The following DLC1 variants were observed in gnomAD, a reference collection of about 807,000 sequenced individuals.
DLC1 encodes rho GTPase-activating protein 7.
Under a neutral mutation model 140.3 loss-of-function variants are expected in DLC1, and 54 were observed. The observed-to-expected ratio is 0.38, with a 90% CI of 0.31 to 0.48. The LOEUF is 0.48. Ranked by LOEUF, DLC1 falls within the 20% of genes least tolerant of loss-of-function variation. DLC1 has a pLI of 0.96. For synonymous variants in DLC1, 986 were observed against 728.1 expected (o/e 1.35, Z -5.70); for missense variants, 2,536 against 1,907.0 (o/e 1.33, Z -6.14).
chr8:13,411,881 A>C (rs1428627780), intron 2 of DLC1, among the ~76,000 whole-genome samples: 1 of 152,178 alleles, frequency 6.6e-6, no homozygotes, highest in Non-Finnish European at 1.5e-5. Context: ...TGTTTTAGGT[A>C]AATCCCAGAG....
intron 4 of DLC1, chr8:13,342,577 G>T (rs1586169121): frequency 6.6e-6 from 1 of 152,244 alleles, no homozygotes; most frequent in East Asian, 1.9e-4. Flanking sequence ...TCCTGAAGAG[G>T]AAGGAATTCT....
chr8:13,468,249 A>G (rs1800031975), intron 2 of DLC1, among the ~76,000 whole-genome samples: 1 of 152,084 alleles, frequency 6.6e-6, no homozygotes, highest in Non-Finnish European at 1.5e-5. Context: ...TTAAACATTT[A>G]CATCGTATTC....
At chr8:13,295,926 T>C (rs543812527) in intron 5 of DLC1, among the ~76,000 whole-genome samples, 1 of 140,694 alleles carries the variant, frequency 7.1e-6, no homozygotes, top group East Asian at 2.2e-4. Flanking sequence ...TAAGAGATGA[T>C]CAGATAAGAT....
At chr8:13,283,812 G>T (rs1443712589) in intron 5 of DLC1, among the ~76,000 whole-genome samples, 1 of 152,214 alleles carries the variant, frequency 6.6e-6, no homozygotes, top group Admixed American at 6.5e-5. Flanking sequence ...ACTCAGCGTG[G>T]CGTAGCAGTG....
At chr8:13,455,986 T>C (rs1350540062) in intron 2 of DLC1, among the ~76,000 whole-genome samples, 1 of 152,256 alleles carries the variant, frequency 6.6e-6, no homozygotes, top group Admixed American at 6.5e-5. Context: ...TTTTGTTGAT[T>C]CATTCATTTG....
At chr8:13,198,481 T>TAAG (rs1563157852) in intron 5 of DLC1, among the ~76,000 whole-genome samples, 1 of 152,218 alleles carries the variant, frequency 6.6e-6, no homozygotes, top group Non-Finnish European at 1.5e-5. Context: ...GTTTTCTTCC[T>TAAG]AAGTGTCTGG....
chr8:13,424,168 C>A (rs1838446570), intron 2 of DLC1, among the ~76,000 whole-genome samples: 1 of 152,092 alleles, frequency 6.6e-6, no homozygotes, highest in Non-Finnish European at 1.5e-5. Flanking sequence ...CAAAATAACT[C>A]ATTGTCCTAC....
intron 4 of DLC1, among the ~76,000 whole-genome samples, chr8:13,355,135 A>T (rs1834870273): frequency 6.6e-6 from 1 of 151,674 alleles, no homozygotes. Flanking sequence ...TTATTCAAAT[A>T]GTCTAAATAT....
intron 5 of DLC1, among the ~76,000 whole-genome samples, chr8:13,197,368 G>T (rs1439186679): frequency 6.6e-6 from 1 of 151,278 alleles, no homozygotes; most frequent in Admixed American, 6.6e-5. Flanking sequence ...TTTTTTTTGA[G>T]ATGGGAGTCT....
chr8:13,164,229 G>A (rs1173686149), intron 5 of DLC1, among the ~76,000 whole-genome samples: 1 of 151,976 alleles, frequency 6.6e-6, no homozygotes, highest in East Asian at 1.9e-4. Context: ...CCTGGGAGGC[G>A]GAGGTTGCAG....
At chr8:13,255,003 G>C (rs1830160769) in intron 5 of DLC1, among the ~76,000 whole-genome samples, 1 of 151,128 alleles carries the variant, frequency 6.6e-6, no homozygotes, top group African/African-American at 2.4e-5. Context: ...TTGAGATGGA[G>C]TCCCACTCTG....
intron 1 of DLC1, among the ~76,000 whole-genome samples, chr8:13,569,011 G>C (rs965676489): frequency 6.6e-6 from 1 of 152,196 alleles, no homozygotes; most frequent in African/African-American, 2.4e-5. Context: ...AAATTATCTA[G>C]ATAGCCATTT....
intron 1 of DLC1, among the ~76,000 whole-genome samples, chr8:13,573,239 T>G (rs1365949236): frequency 6.6e-6 from 1 of 152,214 alleles, no homozygotes; most frequent in Non-Finnish European, 1.5e-5. Context: ...AAATTAAATT[T>G]TTTTAAAAAA....
intron 2 of DLC1, among the ~76,000 whole-genome samples, chr8:13,485,081 C>G (rs1353320894): frequency 6.6e-6 from 1 of 152,112 alleles, no homozygotes; most frequent in Non-Finnish European, 1.5e-5. Context: ...TTATGATTCA[C>G]CTTAAGTGTG....
chr8:13,471,857 T>A (rs2117073903), intron 2 of DLC1, among the ~76,000 whole-genome samples: 1 of 152,256 alleles, frequency 6.6e-6, no homozygotes, highest in Middle Eastern at 3.4e-3. Flanking sequence ...ACTCCCAAGC[T>A]CACTGGGTGA....
intron 2 of DLC1, among the ~76,000 whole-genome samples, chr8:13,417,931 T>G (rs528220484): frequency 6.6e-6 from 1 of 152,280 alleles, no homozygotes. Flanking sequence ...TGGTATCTCA[T>G]TGTGGTTTTG....
chr8:13,263,252 T>C (rs917392932), intron 5 of DLC1, among the ~76,000 whole-genome samples: 1 of 152,198 alleles, frequency 6.6e-6, no homozygotes, highest in East Asian at 1.9e-4. Context: ...CAGTGTTACT[T>C]AATATAAGTT....
chr8:13,476,712 T>C (rs963264943), intron 2 of DLC1, among the ~76,000 whole-genome samples: 8 of 152,224 alleles, frequency 5.3e-5, no homozygotes, highest in African/African-American at 1.9e-4. Context: ...CAATCATTTA[T>C]TCAACTTTGA....
chr8:13,588,805 G>T (rs189501943), intron 1 of DLC1, among the ~76,000 whole-genome samples: 9 of 152,124 alleles, frequency 5.9e-5, no homozygotes, highest in Admixed American at 4.6e-4. Flanking sequence ...AAGCATAGGG[G>T]CTGGGAGAGG....
Sources: gnomAD v4.1 joint callset for allele counts (sites outside exome capture counted in the v4.1 genomes callset) on GRCh38, gnomAD v4.1.1 for gene constraint, MANE v1.5 for transcripts, NCBI Gene and HGNC (gene_info 2026-07-23, HGNC 2026-07-21) for gene names.